The following RPL31 variants were observed in gnomAD, a reference collection of about 807,000 sequenced individuals.
RPL31 encodes the protein ribosomal protein L31.
For synonymous variants in RPL31, 51 were observed against 55.0 expected, an observed-to-expected ratio of 0.93 and a Z score of 0.32; for missense variants, 95 against 164.0, an observed-to-expected ratio of 0.58 and a Z score of 2.30.
At chr2:101,014,630 G>A (rs1203841717) in intron 4 of RPL31, among the ~76,000 whole-genome samples, 1 of 152,126 alleles carries the variant, frequency 6.6e-6, no homozygotes, top group African/African-American at 2.4e-5. Flanking sequence ...CCCCTATGCC[G>A]TTTGGGCCAT....
chr2:101,015,902 C>T lies in RPL31; in HGVS notation c.347-3096C>T, dbSNP rs546974138. Among the ~76,000 whole-genome samples the T allele has an allele frequency of 1.8e-3, 278 of 152,062 alleles. 2 individuals are homozygous for T. Among genetic ancestry groups the T allele is most frequent in the Non-Finnish European group, 3.3e-3 (227 of 67,984 alleles). ...AAGCTGAAACTGGATCCCTTCCTTA[C>T]ACCTTATACAAAAATTAATTCAAGA... On this transcript the variant is annotated intron_variant, in intron 4 of 4. Transcript: ENST00000409028.
chr2:101,008,343 C>G (rs1005384774), downstream of RPL31: 20 of 1,246,926 alleles, frequency 1.6e-5, no homozygotes, highest in Non-Finnish European at 2.0e-5. Context: ...TTTAAACATA[C>G]CTGTGAGCTT....
intron 3 of RPL31, 171 bp from the exon 4 acceptor site, chr2:101,005,788 T>C: frequency 3.2e-6 from 2 of 620,496 alleles, no homozygotes; most frequent in African/African-American, 1.9e-5. Flanking sequence ...CAGCATTTAA[T>C]GTTCACCTGG....
At chr2:101,013,279 A>T (rs2105363675) in intron 4 of RPL31, among the ~76,000 whole-genome samples, 1 of 152,372 alleles carries the variant, frequency 6.6e-6, no homozygotes, top group African/African-American at 2.4e-5. Context: ...CGATCTATTG[A>T]TGATCAGAAG....
At chr2:101,010,787 CAGG>C (rs1679145527), downstream of RPL31, 1 of 628,580 alleles carries the variant, frequency 1.6e-6, no homozygotes, top group South Asian at 1.9e-5. Context: ...GAGGCTGAGG[CAGG>C]AGAACTGCTT....
At chr2:101,015,349 C>G (rs1024705583) in intron 4 of RPL31, among the ~76,000 whole-genome samples, 1 of 152,154 alleles carries the variant, frequency 6.6e-6, no homozygotes, top group Non-Finnish European at 1.5e-5. Context: ...ATATGAAGGC[C>G]TAGGACATTA....
At position 101,016,227 on chromosome 2, in the gene RPL31, G is replaced by GA. The variant is rs897208485; in HGVS notation, c.347-2764dup. 6.6e-5 allele frequency among the ~76,000 whole-genome samples: 10 copies of GA among 152,100 alleles called. 1 individual carries two copies. In the South Asian group the frequency reaches 8.3e-4, roughly 13 times the overall value. On this transcript the variant is annotated intron_variant, in intron 4 of 4. Coordinates refer to the RPL31 transcript ENST00000409028. ...ACAGTGAACTCAAACAAATTTACAA[G>GA]AAAAAAACAAACAACGCCATCAAAA...
downstream of RPL31, chr2:101,008,251 T>G: frequency 1.3e-6 from 2 of 1,553,196 alleles, no homozygotes; most frequent in Non-Finnish European, 1.7e-6. Context: ...GTACAGAGTT[T>G]TACAGAACTG....
Position 101,006,398 on chromosome 2 carries a change from C to G in RPL31, c.*17C>G. On this transcript the variant is annotated 3_prime_UTR_variant, in exon 5 of 5. Transcript: ENST00000264258. ...GAGAACTAATCGCTGATCGTCAGATCAAATAAAGTTATAAAATTGCCTTCA... is the reference window on the plus strand; with the variant it reads ...GAGAACTAATCGCTGATCGTCAGATGAAATAAAGTTATAAAATTGCCTTCA... 6.2e-7 allele frequency: 1 copy of G among 1,608,054 alleles called. No individual in the cohort carries two copies. Among genetic ancestry groups the G allele is most frequent in the Admixed American group, 1.7e-5 (1 of 58,396 alleles).
chr2:101,002,926 A>AT, intron 2 of RPL31, 118 bp downstream of exon 2: 1 of 729,108 alleles, frequency 1.4e-6, no homozygotes, highest in Non-Finnish European at 2.4e-6. Context: ...TGTTTCATTC[A>AT]TTGGCAATTT....
chr2:101,019,188 G>C (rs1679874958), exon 5 of RPL31: 1 of 1,054,430 alleles, frequency 9.5e-7, no homozygotes, highest in South Asian at 1.7e-5. Context: ...TACACGGCCG[G>C]GGTTTCAACA....
chr2:101,005,942 A>C lies in RPL31; in HGVS notation c.234-17A>C, dbSNP rs1054652462. On this transcript the variant is annotated splice_polypyrimidine_tract_variant and intron_variant, in intron 3 of 4. Coordinates refer to ENST00000264258, the MANE Select transcript of RPL31 (RefSeq NM_000993.5). ...AAGGAGGCATTGACTTCAGCAACAC[A>C]ATTATGTTTTTATTAGGAATGTGCC... 1 of 1,607,826 alleles carries C rather than the reference A, an allele frequency of 6.2e-7. No individual in the cohort carries two copies. Among genetic ancestry groups the C allele is most frequent in the Admixed American group, 1.7e-5 (1 of 59,920 alleles).
Position 101,002,821 on chromosome 2 carries a change from C to G in RPL31, c.107+13C>G, listed in dbSNP as rs2278724. 0.81 allele frequency: 1,298,922 copies of G among 1,600,106 alleles called. 528,955 individuals are homozygous for G. The highest frequency in any genetic ancestry group is 0.95 in the African/African-American group (71,021 of 74,766). On this transcript the variant is annotated intron_variant, in intron 2 of 4. Coordinates refer to ENST00000264258, the MANE Select transcript of RPL31 (RefSeq NM_000993.5). ...GCATCCATGGAGTGTGAGTATCCCTCTAGCCGCCCTGGGTCTCGAACTCAC... is the reference window on the plus strand; with the variant it reads ...GCATCCATGGAGTGTGAGTATCCCTGTAGCCGCCCTGGGTCTCGAACTCAC...
intron 4 of RPL31, among the ~76,000 whole-genome samples, chr2:101,016,772 T>C (rs1679672809): frequency 6.6e-6 from 1 of 152,108 alleles, no homozygotes. Context: ...ATGTCCTTTG[T>C]AGGGACATGG....
intron 4 of RPL31, 46 bp from the exon 5 acceptor site, chr2:101,006,304 T>C: frequency 2.5e-6 from 4 of 1,591,750 alleles, no homozygotes; most frequent in Admixed American, 1.9e-5. Flanking sequence ...AGTTGAAATA[T>C]GAAATGTGAT....
intron 4 of RPL31, chr2:101,017,918 G>A (rs1010019507): frequency 1.3e-6 from 2 of 1,550,628 alleles, no homozygotes; most frequent in African/African-American, 1.4e-5. Flanking sequence ...AACCGAACAA[G>A]AAGAGGAAAG....
chr2:101,008,231 G>A, downstream of RPL31: 1 of 1,595,618 alleles, frequency 6.3e-7, no homozygotes, highest in Non-Finnish European at 8.5e-7. Flanking sequence ...GGATCTTCAT[G>A]GAACATACTG....
At chr2:101,009,297 T>A (rs1268243483), downstream of RPL31, among the ~76,000 whole-genome samples, 1 of 151,340 alleles carries the variant, frequency 6.6e-6, no homozygotes. Context: ...TCCCAGCTAC[T>A]CGGGAAGCTG....
At chr2:101,008,022 T>C (rs369632573), downstream of RPL31, 102 of 1,613,892 alleles carry the variant, frequency 6.3e-5, no homozygotes, top group Non-Finnish European at 8.2e-5. Flanking sequence ...CTGCCGCCTC[T>C]GGAAATGCCT....
Sources: gnomAD v4.1 joint callset for allele counts (sites outside exome capture counted in the v4.1 genomes callset) on GRCh38, gnomAD v4.1.1 for gene constraint, MANE v1.5 for transcripts, NCBI Gene and HGNC (gene_info 2026-07-23, HGNC 2026-07-21) for gene names.